USH2A: variants seen among roughly 807,000 people sequenced by gnomAD.
The protein encoded by USH2A is usherin.
Under a neutral mutation model 538.9 loss-of-function variants are expected in USH2A, and 443 were observed. The ratio of observed to expected loss-of-function variants is 0.82; its 90% confidence interval spans 0.76 to 0.89. The LOEUF is 0.89. Ranked by LOEUF, USH2A falls within the 40% of genes least tolerant of loss-of-function variation. The pLI is 0.00. For synonymous variants in USH2A, 2,413 were observed against 2,273.5 expected (o/e 1.06, Z -1.75); for missense variants, 6,633 against 6,324.8 (o/e 1.05, Z -1.65).
intron 35 of USH2A, among the ~76,000 whole-genome samples, chr1:215,972,451 C>T (rs746763296): frequency 5.3e-5 from 8 of 152,132 alleles, no homozygotes; most frequent in Non-Finnish European, 1.0e-4. Context: ...GTCAATCATC[C>T]TTTTCTTCCA....
At chr1:216,277,596 GT>G (rs1252449171) in intron 11 of USH2A, among the ~76,000 whole-genome samples, 1 of 152,078 alleles carries the variant, frequency 6.6e-6, no homozygotes, top group Non-Finnish European at 1.5e-5. Flanking sequence ...TGTTGCATGA[GT>G]ATTAAGCAGA....
chr1:216,058,004 G>T (rs756719480), intron 30 of USH2A, among the ~76,000 whole-genome samples: 1 of 152,138 alleles, frequency 6.6e-6, no homozygotes, highest in Non-Finnish European at 1.5e-5. Flanking sequence ...AGAGGTGGAG[G>T]AACAACTTCT....
intron 43 of USH2A, among the ~76,000 whole-genome samples, chr1:215,867,472 C>T (rs1664505538): frequency 6.6e-6 from 1 of 152,150 alleles, no homozygotes; most frequent in African/African-American, 2.4e-5. Flanking sequence ...TTATTGTTTT[C>T]AGAAGTGGTG....
At chr1:216,019,777 A>G (rs190971643) in intron 32 of USH2A, among the ~76,000 whole-genome samples, 36 of 152,296 alleles carry the variant, frequency 2.4e-4, no homozygotes, top group African/African-American at 8.7e-4. Flanking sequence ...AGTACTCCTT[A>G]ATAGCTTTGA....
intron 59 of USH2A, among the ~76,000 whole-genome samples, chr1:215,741,834 T>A (rs563775762): frequency 6.6e-6 from 1 of 152,206 alleles, no homozygotes; most frequent in African/African-American, 2.4e-5. Flanking sequence ...TAGTTTATTA[T>A]AGTCATTCTA....
At chr1:216,145,552 A>G in intron 21 of USH2A, among the ~76,000 whole-genome samples, 1 of 152,234 alleles carries the variant, frequency 6.6e-6, no homozygotes, top group Non-Finnish European at 1.5e-5. Context: ...CAGCAGTATA[A>G]CAGTTCAGAG....
chr1:216,145,345 G>A (rs2033675421), intron 21 of USH2A, among the ~76,000 whole-genome samples: 1 of 152,138 alleles, frequency 6.6e-6, no homozygotes, highest in South Asian at 2.1e-4. Context: ...CTCTCCTTGG[G>A]GGATCCAGGG....
chr1:216,022,256 T>C (rs1668860679), intron 32 of USH2A, among the ~76,000 whole-genome samples: 1 of 152,142 alleles, frequency 6.6e-6, no homozygotes. Context: ...GTGGCCAGGC[T>C]ACCAGCAGCA....
In USH2A at chr1:215,699,144, CTTCTGAGGCCTCTG is replaced by C. The variant is rs1220745691; in HGVS notation, c.12067-18782_12067-18769del. On this transcript the variant is annotated intron_variant, in intron 61 of 71. Transcript: ENST00000307340. ...AGATGGTTGTAGATGTATGTTGTTA[CTTCTGAGGCCTCTG>C]TTCTGTTTCATTGGTCTATATATCT... 2.0e-5 allele frequency among the ~76,000 whole-genome samples: 3 copies of C among 152,192 alleles called. No homozygotes were observed. The East Asian group carries it at 5.8e-4, about 29-fold the overall frequency.
intron 13 of USH2A, among the ~76,000 whole-genome samples, chr1:216,241,525 T>C (rs2035937808): frequency 6.6e-6 from 1 of 152,000 alleles, no homozygotes; most frequent in Admixed American, 6.6e-5. Flanking sequence ...ATCTGGTATA[T>C]ATTTGTCTTT....
At chr1:215,632,051 T>TTTTTG (rs368845781) in intron 70 of USH2A, among the ~76,000 whole-genome samples, 4,103 of 152,124 alleles carry the variant, frequency 0.027, 66 homozygotes, top group Middle Eastern at 0.065. Flanking sequence ...CAGACTTCTT[T>TTTTTG]TTTTGTTTTG....
intron 21 of USH2A, among the ~76,000 whole-genome samples, chr1:216,149,632 C>T (rs1292329624): frequency 6.6e-6 from 1 of 152,124 alleles, no homozygotes; most frequent in African/African-American, 2.4e-5. Flanking sequence ...AACCTCATCC[C>T]AGACACCAGC....
intron 48 of USH2A, among the ~76,000 whole-genome samples, chr1:215,814,289 A>T (rs1253645288): frequency 6.8e-6 from 1 of 147,154 alleles, no homozygotes; most frequent in Non-Finnish European, 1.5e-5. Flanking sequence ...CATAAGATAT[A>T]GATCTTTTAT....
intron 61 of USH2A, among the ~76,000 whole-genome samples, chr1:215,706,236 C>A (rs1659181521): frequency 1.3e-5 from 2 of 152,108 alleles, no homozygotes; most frequent in African/African-American, 4.8e-5. Flanking sequence ...CTAGTACTAC[C>A]AGACTTTGCA....
In USH2A at chr1:216,274,090, G is replaced by A. The variant is rs78737594; in HGVS notation, c.1971+15190C>T. On this transcript the variant is annotated intron_variant, in intron 11 of 71. Transcript: ENST00000307340. ...TGAACACTAACATTTAAGAACTATT[G>A]CTTTAATACTTGCTACCTACTCTGC... Among the ~76,000 whole-genome samples the A allele has an allele frequency of 5.0e-3, 755 of 152,078 alleles. 9 individuals are homozygous for A. The highest frequency in any genetic ancestry group is 0.017 in the African/African-American group (701 of 41,498).
intron 71 of USH2A, among the ~76,000 whole-genome samples, chr1:215,627,430 TTCCTTCC>T (rs1558027407): frequency 0.05 from 5,928 of 119,556 alleles, 428 homozygotes; most frequent in South Asian, 0.11. Flanking sequence ...CCTTCCTTCC[TTCCTTCC>T]TTCCTTCCTT....
chr1:216,084,622 A>T, intron 25 of USH2A, 76 bp downstream of exon 25: 1 of 1,526,412 alleles, frequency 6.6e-7, no homozygotes, highest in Non-Finnish European at 9.0e-7. Context: ...AAGTTAATCA[A>T]ACAGGAGAGA....
intron 4 of USH2A, among the ~76,000 whole-genome samples, chr1:216,328,763 T>C (rs1297179302): frequency 6.6e-6 from 1 of 151,936 alleles, no homozygotes; most frequent in African/African-American, 2.4e-5. Flanking sequence ...AGGAAGAAAC[T>C]CACAAGCAAA....
chr1:216,287,828 A>C (rs2036916416), intron 11 of USH2A, among the ~76,000 whole-genome samples: 1 of 152,140 alleles, frequency 6.6e-6, no homozygotes, highest in Admixed American at 6.5e-5. Context: ...TGCAAGTGAA[A>C]ATTTACATAA....
Sources: gnomAD v4.1 joint callset for allele counts (sites outside exome capture counted in the v4.1 genomes callset) on GRCh38, gnomAD v4.1.1 for gene constraint, MANE v1.5 for transcripts, NCBI Gene and HGNC (gene_info 2026-07-23, HGNC 2026-07-21) for gene names.